The following NOL4 variants were observed in gnomAD, a reference collection of about 807,000 sequenced individuals.
NOL4 encodes nucleolar protein 4.
Under a neutral mutation model 75.9 loss-of-function variants are expected in NOL4, and 17 were observed. That is an observed-to-expected ratio of 0.22 (90% CI 0.15 to 0.34). The LOEUF (loss-of-function observed/expected upper bound fraction) is 0.34. NOL4 is among the 10% of genes least tolerant of loss of function. The pLI, the probability that NOL4 is intolerant of heterozygous loss-of-function variation, is 1.00. For synonymous variants in NOL4, 292 were observed against 289.9 expected, an observed-to-expected ratio of 1.01 and a Z score of -0.07; for missense variants, 614 against 793.5, an observed-to-expected ratio of 0.77 and a Z score of 2.72.
intron 6 of NOL4, among the ~76,000 whole-genome samples, chr18:34,009,863 T>C (rs969698221): frequency 6.6e-6 from 1 of 151,942 alleles, no homozygotes; most frequent in Non-Finnish European, 1.5e-5. Flanking sequence ...TCTTTGAATC[T>C]TGGTTTTCCA....
intron 5 of NOL4, among the ~76,000 whole-genome samples, chr18:34,042,988 T>A (rs2076206429): frequency 6.6e-6 from 1 of 152,098 alleles, no homozygotes; most frequent in Non-Finnish European, 1.5e-5. Context: ...AGCCTTAGTT[T>A]CCTTATAAGG....
At chr18:34,167,718 A>G (rs924060155) in intron 1 of NOL4, among the ~76,000 whole-genome samples, 2 of 152,080 alleles carry the variant, frequency 1.3e-5, no homozygotes, top group African/African-American at 4.8e-5. Context: ...AGTGAGCTAT[A>G]ACAGAAAACT....
chr18:34,173,157 A>G (rs1167859663), intron 1 of NOL4, among the ~76,000 whole-genome samples: 27 of 152,134 alleles, frequency 1.8e-4, no homozygotes, highest in Admixed American at 1.8e-3. Context: ...CAGAAAGACA[A>G]ATACTGAATG....
chr18:34,017,346 G>A (rs544333433), intron 6 of NOL4, among the ~76,000 whole-genome samples: 30 of 152,144 alleles, frequency 2.0e-4, no homozygotes, highest in African/African-American at 5.8e-4. Context: ...CTGCAAGTAT[G>A]CCAAGTATTT....
chr18:34,143,035 C>G (rs550544290), intron 1 of NOL4, among the ~76,000 whole-genome samples: 75 of 134,990 alleles, frequency 5.6e-4, no homozygotes, highest in Non-Finnish European at 9.9e-4. Context: ...ATTTTGAGTT[C>G]AAGGATGTAA....
At chr18:33,957,003 C>A (rs560674337) in intron 8 of NOL4, among the ~76,000 whole-genome samples, 7 of 152,148 alleles carry the variant, frequency 4.6e-5, no homozygotes, top group Non-Finnish European at 8.8e-5. Context: ...ACTTTAGTAG[C>A]GACAGAAAGA....
At chr18:34,147,638 T>C (rs1310546736) in intron 1 of NOL4, among the ~76,000 whole-genome samples, 2 of 152,202 alleles carry the variant, frequency 1.3e-5, no homozygotes, top group Admixed American at 1.3e-4. Context: ...TTGAGGATTT[T>C]GGCATCAATG....
chr18:34,132,332 A>T (rs1406012273), intron 1 of NOL4, among the ~76,000 whole-genome samples: 1 of 152,246 alleles, frequency 6.6e-6, no homozygotes, highest in Non-Finnish European at 1.5e-5. Context: ...GGTGGCCATT[A>T]TTCAACCAAC....
chr18:34,179,762 G>A (rs2146321939), intron 1 of NOL4, among the ~76,000 whole-genome samples: 1 of 151,662 alleles, frequency 6.6e-6, no homozygotes, highest in East Asian at 1.9e-4. Flanking sequence ...TGAGCACACA[G>A]CAAGAAGATA....
rs1343056463 is a variant in NOL4, at chr18:34,172,354, T to C, written c.265-42334A>G. On this transcript the variant is annotated intron_variant, in intron 1 of 10. Coordinates refer to ENST00000261592, the MANE Select transcript of NOL4 (RefSeq NM_003787.5). ...TATACTTCCAAGTAAATTAAAATTG[T>C]ATTATTTTTTATTCCATTGTGCATA... 1.4e-4 allele frequency among the ~76,000 whole-genome samples: 22 copies of C among 152,042 alleles called. 1 individual carries two copies. Among genetic ancestry groups the C allele is most frequent in the Admixed American group, 1.4e-3 (22 of 15,266 alleles).
chr18:34,185,335 A>G (rs1299894031), intron 1 of NOL4, among the ~76,000 whole-genome samples: 1 of 152,076 alleles, frequency 6.6e-6, no homozygotes, highest in Non-Finnish European at 1.5e-5. Context: ...AAGGATCGGG[A>G]TTTTTCATAG....
intron 1 of NOL4, among the ~76,000 whole-genome samples, chr18:34,174,676 T>C (rs2033372689): frequency 6.6e-6 from 1 of 152,054 alleles, no homozygotes; most frequent in Admixed American, 6.6e-5. Context: ...ATCCCTCTGC[T>C]AGCCCCCCAC....
chr18:34,202,385 T>C, intron 1 of NOL4, among the ~76,000 whole-genome samples: 1 of 152,102 alleles, frequency 6.6e-6, no homozygotes, highest in East Asian at 1.9e-4. Flanking sequence ...TTCACATCAA[T>C]ACTTTAATCT....
At chr18:33,948,949 T>C (rs2069021855) in intron 8 of NOL4, among the ~76,000 whole-genome samples, 2 of 152,024 alleles carry the variant, frequency 1.3e-5, no homozygotes, top group South Asian at 2.1e-4. Flanking sequence ...TAATATTGTA[T>C]AAACCTAAAA....
intron 1 of NOL4, among the ~76,000 whole-genome samples, chr18:34,173,623 G>A (rs1340044534): frequency 1.3e-5 from 2 of 152,144 alleles, no homozygotes; most frequent in East Asian, 3.8e-4. Context: ...ATTTCCCTCT[G>A]TATCCACCAA....
intron 1 of NOL4, among the ~76,000 whole-genome samples, chr18:34,173,742 T>C (rs990443731): frequency 6.6e-6 from 1 of 152,094 alleles, no homozygotes; most frequent in Non-Finnish European, 1.5e-5. Flanking sequence ...GACAGAGTGT[T>C]ATATGAATTA....
At chr18:34,209,396 ATTATATTTT>A (rs2036358712) in intron 1 of NOL4, among the ~76,000 whole-genome samples, 1 of 152,136 alleles carries the variant, frequency 6.6e-6, no homozygotes, top group African/African-American at 2.4e-5. Context: ...TATGCTAGGT[ATTATATTTT>A]TTAAAATAAT....
At chr18:33,863,832 T>C (rs373714645) in intron 10 of NOL4, among the ~76,000 whole-genome samples, 84 of 152,098 alleles carry the variant, frequency 5.5e-4, no homozygotes, top group African/African-American at 1.3e-3. Context: ...CTAATGGAGG[T>C]TCTCCATGAG....
At chr18:33,953,108 A>C (rs1249229103) in intron 8 of NOL4, among the ~76,000 whole-genome samples, 1 of 151,846 alleles carries the variant, frequency 6.6e-6, no homozygotes, top group Non-Finnish European at 1.5e-5. Context: ...CTAGGTAGGA[A>C]GGGAAAGCCA....
Sources: gnomAD v4.1 joint callset for allele counts (sites outside exome capture counted in the v4.1 genomes callset) on GRCh38, gnomAD v4.1.1 for gene constraint, MANE v1.5 for transcripts, NCBI Gene and HGNC (gene_info 2026-07-23, HGNC 2026-07-21) for gene names.